The following SGMS1 variants were observed in gnomAD, a reference collection of about 807,000 sequenced individuals.
The protein encoded by SGMS1 is phosphatidylcholine:ceramide cholinephosphotransferase 1.
A neutral mutation model predicts 46.2 loss-of-function variants in SGMS1; 13 were observed. That is an observed-to-expected ratio of 0.28 (90% CI 0.18 to 0.45). The LOEUF (loss-of-function observed/expected upper bound fraction) is 0.45. Among genes scored for constraint, SGMS1 ranks in the 20% least tolerant of loss-of-function variants. The pLI is 1.00. For missense variants in SGMS1, 324 were observed against 519.9 expected (o/e 0.62, Z 3.66); for synonymous variants, 203 against 187.8 (o/e 1.08, Z -0.66).
chr10:50,521,016 C>T (rs892540553), intron 2 of SGMS1, among the ~76,000 whole-genome samples: 2 of 151,960 alleles, frequency 1.3e-5, no homozygotes, highest in African/African-American at 4.8e-5. Context: ...ACAGCTAGGC[C>T]TTCTGGTGCA....
At chr10:50,574,212 C>A (rs934677880) in intron 2 of SGMS1, among the ~76,000 whole-genome samples, 3 of 151,922 alleles carry the variant, frequency 2.0e-5, no homozygotes, top group Non-Finnish European at 4.4e-5. Flanking sequence ...GAAAAGGCAA[C>A]CTATGGAATG....
At chr10:50,533,147 C>T (rs184675883) in intron 2 of SGMS1, among the ~76,000 whole-genome samples, 35 of 152,188 alleles carry the variant, frequency 2.3e-4, no homozygotes, top group Admixed American at 2.2e-3. Flanking sequence ...ACTAATGTTT[C>T]CATATAACTT....
intron 1 of SGMS1, among the ~76,000 whole-genome samples, chr10:50,603,115 G>A (rs1838663423): frequency 6.6e-6 from 1 of 152,196 alleles, no homozygotes; most frequent in South Asian, 2.1e-4. Context: ...AAAACCTTTT[G>A]CCTCTGAAGA....
At chr10:50,324,378 T>A (rs930228364) in intron 8 of SGMS1, among the ~76,000 whole-genome samples, 11 of 152,202 alleles carry the variant, frequency 7.2e-5, no homozygotes, top group African/African-American at 2.7e-4. Context: ...AGATGGAAGA[T>A]TCAGTGGCGA....
intron 1 of SGMS1, among the ~76,000 whole-genome samples, chr10:50,601,459 C>T (rs1357069281): frequency 1.3e-5 from 2 of 152,196 alleles, no homozygotes; most frequent in African/African-American, 4.8e-5. Context: ...GACAAGAGGA[C>T]CACTTAAGAC....
At chr10:50,391,254 C>T (rs1038487743) in intron 6 of SGMS1, among the ~76,000 whole-genome samples, 1 of 152,196 alleles carries the variant, frequency 6.6e-6, no homozygotes, top group African/African-American at 2.4e-5. Flanking sequence ...TAACTAATCC[C>T]CTCTCATCTT....
At chr10:50,593,841 G>A (rs1406069015) in intron 1 of SGMS1, among the ~76,000 whole-genome samples, 1 of 152,126 alleles carries the variant, frequency 6.6e-6, no homozygotes, top group Non-Finnish European at 1.5e-5. Flanking sequence ...ACAATTTACT[G>A]TTCTGTTCTA....
chr10:50,426,770 T>G (rs535966440), intron 6 of SGMS1, among the ~76,000 whole-genome samples: 1 of 152,306 alleles, frequency 6.6e-6, no homozygotes, highest in South Asian at 2.1e-4. Context: ...CAGACCTCTA[T>G]GAGCTATTGA....
chr10:50,499,906 C>T (rs1456561427), intron 3 of SGMS1, among the ~76,000 whole-genome samples: 3 of 152,216 alleles, frequency 2.0e-5, no homozygotes, highest in Non-Finnish European at 2.9e-5. Context: ...CAGTGGCTCA[C>T]GCCTGTAATC....
chr10:50,381,714 C>T (rs1434827049), intron 6 of SGMS1, among the ~76,000 whole-genome samples: 1 of 152,170 alleles, frequency 6.6e-6, no homozygotes, highest in Non-Finnish European at 1.5e-5. Flanking sequence ...AGCAAATGAG[C>T]TAAGGAGAAT....
At chr10:50,617,346 T>A (rs1838807858) in intron 1 of SGMS1, among the ~76,000 whole-genome samples, 1 of 152,154 alleles carries the variant, frequency 6.6e-6, no homozygotes, top group South Asian at 2.1e-4. Context: ...TATGGTCCAT[T>A]TACATAAAAT....
chr10:50,617,831 C>T (rs1237240654), intron 1 of SGMS1, among the ~76,000 whole-genome samples: 1 of 151,848 alleles, frequency 6.6e-6, no homozygotes, highest in African/African-American at 2.4e-5. Context: ...CTTCAGCCTC[C>T]CAAAATGCTG....
intron 8 of SGMS1, among the ~76,000 whole-genome samples, chr10:50,318,241 C>T (rs936959970): frequency 5.3e-5 from 8 of 152,230 alleles, no homozygotes; most frequent in Admixed American, 3.3e-4. Flanking sequence ...TCCAAGCTCA[C>T]TTTTATAGGA....
intron 6 of SGMS1, among the ~76,000 whole-genome samples, chr10:50,349,574 T>C (rs1244832112): frequency 6.6e-6 from 1 of 152,206 alleles, no homozygotes; most frequent in Non-Finnish European, 1.5e-5. Flanking sequence ...TCATTCTGAA[T>C]TGTATTCCCA....
rs542120158 is a variant in SGMS1 at position 50,389,213 on chromosome 10, G to A, written c.-232+44263C>T. On this transcript the variant is annotated intron_variant, in intron 6 of 10. Transcript: ENST00000361781. ...AAAACAGCCACCTGAATGTCTAGGT[G>A]CATCATCCCAAGGGGCTCTAATAAA... 9.2e-5 allele frequency among the ~76,000 whole-genome samples: 14 copies of A among 152,284 alleles called. No homozygotes were observed. In the South Asian group the frequency reaches 2.9e-3, roughly 32 times the overall value.
At chr10:50,413,319 ACAAAG>A (rs770462107) in intron 6 of SGMS1, among the ~76,000 whole-genome samples, 18 of 152,234 alleles carry the variant, frequency 1.2e-4, no homozygotes, top group Non-Finnish European at 1.8e-4. Context: ...CCTCCAGGAA[ACAAAG>A]CAAATATTTC....
chr10:50,600,013 C>T (rs530608673), intron 1 of SGMS1, among the ~76,000 whole-genome samples: 1 of 152,258 alleles, frequency 6.6e-6, no homozygotes, highest in Admixed American at 6.5e-5. Flanking sequence ...CCAGAGTGGG[C>T]CTCAGGACAC....
chr10:50,419,722 A>G (rs1427470118), intron 6 of SGMS1, among the ~76,000 whole-genome samples: 1 of 152,160 alleles, frequency 6.6e-6, no homozygotes, highest in Non-Finnish European at 1.5e-5. Context: ...TGCTATTGCC[A>G]AAAGAGAATT....
chr10:50,543,971 C>T (rs1416010229), intron 2 of SGMS1, among the ~76,000 whole-genome samples: 3 of 152,290 alleles, frequency 2.0e-5, no homozygotes, highest in African/African-American at 7.2e-5. Context: ...GAGCCATCCC[C>T]AAAATGTCCG....
Sources: gnomAD v4.1 joint callset for allele counts (sites outside exome capture counted in the v4.1 genomes callset) on GRCh38, gnomAD v4.1.1 for gene constraint, MANE v1.5 for transcripts, NCBI Gene and HGNC (gene_info 2026-07-23, HGNC 2026-07-21) for gene names.